Variants in LZIC observed in about 807,000 individuals in gnomAD.
LZIC encodes leucine zipper and CTNNBIP1 domain containing.
Under a neutral mutation model 25.4 loss-of-function variants are expected in LZIC, and 28 were observed. The observed-to-expected ratio is 1.10, with a 90% CI of 0.82 to 1.51. The LOEUF (loss-of-function observed/expected upper bound fraction) is 1.51. Among genes scored for constraint, LZIC ranks in the 40% most tolerant of loss-of-function variants. LZIC has a pLI of 0.00. For synonymous variants in LZIC, 65 were observed against 70.7 expected, an observed-to-expected ratio of 0.92 and a Z score of 0.40; for missense variants, 170 against 211.1, an observed-to-expected ratio of 0.81 and a Z score of 1.21.
At chr1:9,932,421 C>T (rs1232356065) in intron 6 of LZIC, among the ~76,000 whole-genome samples, 2 of 150,120 alleles carry the variant, frequency 1.3e-5, no homozygotes, top group Non-Finnish European at 3.0e-5. Context: ...TTTGGGAGGC[C>T]GATGTAATCC....
intron 4 of LZIC, 142 bp from the exon 5 acceptor site, chr1:9,935,002 G>A (rs1640390420): frequency 4.3e-6 from 3 of 700,604 alleles, no homozygotes; most frequent in East Asian, 5.1e-5. Flanking sequence ...TGAAGATCTG[G>A]AAGGATATGT....
Position 9,930,400 on chromosome 1 carries a change from C to A in LZIC, c.572G>T (p.Ter191LeuextTer29). 1 of 1,613,606 alleles carries A rather than the reference C, an allele frequency of 6.2e-7. No homozygotes were observed. The highest frequency in any genetic ancestry group is 1.1e-5 in the South Asian group (1 of 91,036). ...AATGTTACAAGCTTCTGCACCATGT[C>A]ATTTTTTTGTTTTTTCAACCTCAAA... ...ASFEVEKTKK[*>L] is the part of the protein sequence containing the mutation. Residue 191 changes from the stop codon to leucine (L), a stop_lost, in exon 8 of 8, where the codon TGA (stop) becomes TTA (leucine). Transcript: ENST00000377223.
intron 3 of LZIC, 21 bp downstream of exon 3, chr1:9,936,498 A>G: frequency 1.9e-6 from 3 of 1,554,610 alleles, no homozygotes; most frequent in Non-Finnish European, 2.7e-6. Flanking sequence ...CCAGCATAAC[A>G]ACATACAATT....
At chr1:9,935,788 T>C (rs1044075685) in intron 3 of LZIC, among the ~76,000 whole-genome samples, 161 bp from the exon 4 acceptor site, 1 of 152,174 alleles carries the variant, frequency 6.6e-6, no homozygotes, top group African/African-American at 2.4e-5. Context: ...TGCAATATAG[T>C]TACTTTGGTA....
chr1:9,931,550 C>T (rs1640210140), intron 7 of LZIC, among the ~76,000 whole-genome samples: 1 of 152,180 alleles, frequency 6.6e-6, no homozygotes, highest in Admixed American at 6.6e-5. Flanking sequence ...GTGTGAGCCA[C>T]CGCACCCGGC....
At chr1:9,935,695 T>C in intron 3 of LZIC, 68 bp from the exon 4 acceptor site, 1 of 1,378,680 alleles carries the variant, frequency 7.3e-7, no homozygotes, top group Non-Finnish European at 9.9e-7. Flanking sequence ...ATCTTAATAC[T>C]TGTACATTAG....
Position 9,935,616 on chromosome 1 carries a change from T to A in LZIC, c.113A>T (p.Asp38Val), listed in dbSNP as rs1358841870. 11 of 1,600,106 alleles carry A rather than the reference T, an allele frequency of 6.9e-6. No individual in the cohort carries two copies. Among genetic ancestry groups the A allele is most frequent in the Non-Finnish European group, 9.3e-6 (11 of 1,176,784 alleles). Residue 38 changes from aspartate (D) to valine (V), a missense_variant, in exon 4 of 8, where the codon GAT becomes GTT. Coordinates refer to ENST00000377223, the MANE Select transcript of LZIC (RefSeq NM_032368.5). Reference protein sequence around the residue: ...QDLEECREELDTDEYEETKKE... With the variant: ...QDLEECREELVTDEYEETKKE... Reference sequence around the variant, plus strand: ...TTTGGTTTCTTCATATTCATCTGTATCAAGTTCCTCTCTGAAATAGGTGAA... The same window carrying A: ...TTTGGTTTCTTCATATTCATCTGTAACAAGTTCCTCTCTGAAATAGGTGAA...
In LZIC at chr1:9,942,773, G is replaced by C. The variant is rs545227776; in HGVS notation, c.-158C>G. ...AGGCTCAAAGTTCAAACCACCTCGG[G>C]GTGGAGATGCTGGAAAAAAGGAAAC... On this transcript the variant is annotated 5_prime_UTR_variant, in exon 2 of 8. Coordinates refer to ENST00000377223, the MANE Select transcript of LZIC (RefSeq NM_032368.5). 38 of 1,017,504 alleles carry C rather than the reference G, an allele frequency of 3.7e-5. No homozygotes were observed. In the African/African-American group the frequency reaches 4.3e-4, roughly 11 times the overall value. The allele number at this position is 1,017,504 out of a possible 1,614,324, so 63.0% of individuals were successfully genotyped here. A position where few individuals can be genotyped will look rare whatever the true frequency, so the allele number is the denominator to read the frequency against.
In LZIC at chr1:9,929,002, T is replaced by G. The variant is rs748362021; in HGVS notation, c.*1397A>C. ...AAATCCACAGAGACAGGGTGCAGAT[T>G]AGTGGCTATTGTTAGCAGTCGGAGG... On this transcript the variant is annotated 3_prime_UTR_variant, in exon 8 of 8. Coordinates refer to ENST00000377223, the MANE Select transcript of LZIC (RefSeq NM_032368.5). The G allele has an allele frequency of 6.6e-6, 1 of 151,988 alleles. No homozygotes were observed. Among genetic ancestry groups the G allele is most frequent in the Non-Finnish European group, 1.5e-5 (1 of 68,022 alleles). The allele number at this position is 151,988 out of a possible 1,614,324, so 9.4% of individuals were successfully genotyped here.
At chr1:9,935,421 G>A in intron 4 of LZIC, 71 bp downstream of exon 4, 1 of 1,474,996 alleles carries the variant, frequency 6.8e-7, no homozygotes, top group Non-Finnish European at 9.1e-7. Flanking sequence ...GAGTAAGAAT[G>A]CATCTCAAAC....
At position 9,931,938 on chromosome 1, in the gene LZIC, T is replaced by A. The variant is rs1640230570; in HGVS notation, c.467A>T (p.Asn156Ile). 2 of 1,613,782 alleles carry A rather than the reference T, an allele frequency of 1.2e-6. No homozygotes were observed. The highest frequency in any genetic ancestry group is 2.7e-5 in the African/African-American group (2 of 74,912). Residue 156 changes from asparagine to isoleucine, a missense_variant, in exon 7 of 8, where the codon AAT becomes ATT. Physicochemically the swap from Asn to Ile is moderately radical, Grantham distance 149. Coordinates refer to ENST00000377223, the MANE Select transcript of LZIC (RefSeq NM_032368.5). The stretch of plus-strand genomic sequence containing the variant: ...AAACTGGCTGAGTATAGCACCTGCA[T>A]TTGCTGACAAGAAGGCCTCATCATC... Reference protein sequence around the residue: ...TADDEAFLSANAGAILSQFEK... With the variant: ...TADDEAFLSAIAGAILSQFEK...
At chr1:9,925,200 C>A (rs1454515010), downstream of LZIC, among the ~76,000 whole-genome samples, 1 of 151,902 alleles carries the variant, frequency 6.6e-6, no homozygotes, top group African/African-American at 2.4e-5. Context: ...GTGGCGCATG[C>A]CTGTAATCCC....
At chr1:9,923,495 C>A (rs980706873), downstream of LZIC, among the ~76,000 whole-genome samples, 14 of 148,158 alleles carry the variant, frequency 9.4e-5, no homozygotes, top group African/African-American at 2.7e-4. Flanking sequence ...CAGGCATGAG[C>A]CACCGCACCT....
At chr1:9,938,744 C>A (rs1330539653) in intron 2 of LZIC, among the ~76,000 whole-genome samples, 1 of 152,150 alleles carries the variant, frequency 6.6e-6, no homozygotes, top group African/African-American at 2.4e-5. Flanking sequence ...TTTTAATAGA[C>A]AAATCTATCT....
Position 9,929,988 on chromosome 1 carries a change from A to AAT in LZIC, c.*410_*411insAT, listed in dbSNP as rs567449766. On this transcript the variant is annotated 3_prime_UTR_variant, in exon 8 of 8. Coordinates refer to ENST00000377223, the MANE Select transcript of LZIC (RefSeq NM_032368.5). ...TGTAAAATTCTATGAACACTTATGAAGTCTATTGAGCTTGCGTCACTGTTC... is the reference window on the plus strand; with the variant it reads ...TGTAAAATTCTATGAACACTTATGAAATGTCTATTGAGCTTGCGTCACTGTTC... 3.0e-6 allele frequency: 3 copies of AAT among 988,666 alleles called. No individual in the cohort carries two copies. The African/African-American group carries it at 5.2e-5, about 17-fold the overall frequency. The allele number at this position is 988,666 out of a possible 1,614,324, so 61.2% of individuals were successfully genotyped here.
rs751693021 is a variant in LZIC, at chr1:9,936,646, C to G, written c.-8-19G>C. 6.8e-7 allele frequency: 1 copy of G among 1,474,892 alleles called. No homozygotes were observed. Among genetic ancestry groups the G allele is most frequent in the East Asian group, 2.3e-5 (1 of 44,266 alleles). 91.4% of individuals were successfully genotyped at this position (1,474,892 alleles called of 1,614,324 possible). A position where few individuals can be genotyped will look rare whatever the true frequency, so the allele number is the denominator to read the frequency against. The stretch of plus-strand genomic sequence containing the variant: ...TTAATCTCTATGTGAAACAATAAAC[C>G]CACATACCATATGAAATTAACATAC... On this transcript the variant is annotated intron_variant, in intron 2 of 7. Coordinates refer to ENST00000377223, the MANE Select transcript of LZIC (RefSeq NM_032368.5).
chr1:9,942,582 C>A lies in LZIC; in HGVS notation c.-9+42G>T, dbSNP rs904642184. The A allele has an allele frequency of 1.5e-5, 16 of 1,051,318 alleles. No homozygotes were observed. The Admixed American group carries it at 1.6e-4, about 10-fold the overall frequency. 65.1% of individuals were successfully genotyped at this position (1,051,318 alleles called of 1,614,324 possible). ...TTTACGAAACTACAGAAACCGCTCT[C>A]AGACACTATATCTGGAGCGGAGGGT... On this transcript the variant is annotated intron_variant, in intron 2 of 7. Transcript: ENST00000377223.
chr1:9,929,421 C>T lies in LZIC; in HGVS notation c.*978G>A. On this transcript the variant is annotated 3_prime_UTR_variant, in exon 8 of 8. Coordinates refer to ENST00000377223, the MANE Select transcript of LZIC (RefSeq NM_032368.5). ...GGACACATCTGCATATTTGAGCATA[C>T]AGAGACATGTAAATACTCAGGAGAG... The T allele has an allele frequency of 1.0e-6, 1 of 985,386 alleles. No individual in the cohort carries two copies. The highest frequency in any genetic ancestry group is 1.7e-5 in the African/African-American group (1 of 57,346). The allele number at this position is 985,386 out of a possible 1,614,324, so 61.0% of individuals were successfully genotyped here. A position where few individuals can be genotyped will look rare whatever the true frequency, so the allele number is the denominator to read the frequency against.
At chr1:9,939,062 T>C (rs1482676162) in intron 2 of LZIC, among the ~76,000 whole-genome samples, 1 of 152,126 alleles carries the variant, frequency 6.6e-6, no homozygotes, top group Non-Finnish European at 1.5e-5. Context: ...TCATTGATAA[T>C]TTTCTGTTCC....
Sources: allele counts gnomAD v4.1 joint callset (sites outside exome capture counted in the v4.1 genomes callset), GRCh38; gene constraint gnomAD v4.1.1; transcripts MANE v1.5; gene names NCBI Gene and HGNC (gene_info 2026-07-23, HGNC 2026-07-21).